PBX1: variants seen among roughly 807,000 people sequenced by gnomAD.
PBX1 encodes the protein PBX homeobox 1, also known as pre-B-cell leukemia transcription factor 1.
In PBX1, 6 loss-of-function variants were observed where a neutral mutation model predicts 53.4. The observed-to-expected ratio is 0.11, with a 90% confidence interval of 0.06 to 0.22. The LOEUF (loss-of-function observed/expected upper bound fraction) is 0.22, where lower values mean the gene tolerates loss of function less well. PBX1 is among the 10% of genes least tolerant of loss of function. The pLI is 1.00. For missense variants in PBX1, 251 were observed against 551.4 expected, an observed-to-expected ratio of 0.46 and a Z score of 5.46; for synonymous variants, 204 against 212.3, an observed-to-expected ratio of 0.96 and a Z score of 0.34.
intron 2 of PBX1, chr1:164,685,050 A>C (rs1557940725): frequency 6.6e-6 from 1 of 152,206 alleles, no homozygotes; most frequent in Non-Finnish European, 1.5e-5. Flanking sequence ...CTGATTGGGA[A>C]AGTAAGTCTC....
intron 2 of PBX1, among the ~76,000 whole-genome samples, chr1:164,604,252 T>A (rs1656402537): frequency 1.3e-5 from 2 of 152,218 alleles, no homozygotes; most frequent in Admixed American, 1.3e-4. Context: ...ATCATTTAAT[T>A]CTATTGCCAC....
intron 2 of PBX1, chr1:164,605,447 T>C (rs1780369): frequency 0.74 from 111,766 of 151,974 alleles, 41,230 homozygotes; most frequent in Non-Finnish European, 0.76. Context: ...AGGGCTCCTG[T>C]AGAGGAGGCA....
At chr1:164,634,767 G>C (rs1288129006) in intron 2 of PBX1, among the ~76,000 whole-genome samples, 1 of 152,120 alleles carries the variant, frequency 6.6e-6, no homozygotes, top group Non-Finnish European at 1.5e-5. Flanking sequence ...AGGGAAATAA[G>C]TTCTTTGGGA....
intron 2 of PBX1, among the ~76,000 whole-genome samples, chr1:164,667,863 C>T (rs955186519): frequency 6.6e-6 from 1 of 152,180 alleles, no homozygotes; most frequent in Non-Finnish European, 1.5e-5. Flanking sequence ...AGATGCAGTT[C>T]ACACTTCCTG....
Position 164,640,481 on chromosome 1 carries a change from G to A in PBX1, c.265+77170G>A, listed in dbSNP as rs558280040. Among the ~76,000 whole-genome samples, 8 of 151,844 alleles carry A rather than the reference G, an allele frequency of 5.3e-5. No individual in the cohort carries two copies. In the South Asian group the frequency reaches 6.2e-4, roughly 12 times the overall value. ...TGGTGCAACACACATACTGGGAAAC[G>A]ATGTGATGACACTAGCACAAAGGAC... On this transcript the variant is annotated intron_variant, in intron 2 of 8. Coordinates refer to ENST00000420696, the MANE Select transcript of PBX1 (RefSeq NM_002585.4).
chr1:164,830,856 C>T (rs930167127), intron 8 of PBX1, among the ~76,000 whole-genome samples: 2 of 152,174 alleles, frequency 1.3e-5, no homozygotes, highest in African/African-American at 4.8e-5. Flanking sequence ...TGCAGAATCT[C>T]AGGCCCCGCC....
intron 2 of PBX1, among the ~76,000 whole-genome samples, chr1:164,707,999 G>A (rs956160102): frequency 1.3e-4 from 20 of 152,216 alleles, no homozygotes; most frequent in Non-Finnish European, 1.9e-4. Flanking sequence ...TGGCTTTGCC[G>A]GAGCATGACT....
At chr1:164,736,023 A>C (rs1183549376) in intron 2 of PBX1, among the ~76,000 whole-genome samples, 12 of 152,116 alleles carry the variant, frequency 7.9e-5, no homozygotes, top group Non-Finnish European at 1.6e-4. Context: ...CTCCAGCAGA[A>C]ACTGGCTTCT....
chr1:164,753,766 G>C (rs1325379072), intron 2 of PBX1, among the ~76,000 whole-genome samples: 5 of 152,274 alleles, frequency 3.3e-5, no homozygotes, highest in Non-Finnish European at 7.4e-5. Flanking sequence ...GTTACTCCTC[G>C]TATGTTAGCA....
chr1:164,826,014 A>T (rs1670441129), intron 8 of PBX1, among the ~76,000 whole-genome samples: 1 of 152,074 alleles, frequency 6.6e-6, no homozygotes, highest in African/African-American at 2.4e-5. Context: ...AAGCAACTTG[A>T]AATTGGGAAA....
Position 164,559,791 on chromosome 1 carries a change from G to A in PBX1, c.-32G>A, listed in dbSNP as rs558520686. ...AGGAGCCGAGCCGAGGAGCAGAAGA[G>A]GAAGAGCCGGGGGCTGCCGTAGCCT... is the stretch of plus-strand genomic sequence containing the variant. On this transcript the variant is annotated 5_prime_UTR_variant, in exon 1 of 9. Coordinates refer to ENST00000420696, the MANE Select transcript of PBX1 (RefSeq NM_002585.4). The A allele has an allele frequency of 1.2e-4, 179 of 1,516,494 alleles. 1 individual carries two copies. The South Asian group carries it at 2.1e-3, about 18-fold the overall frequency. The allele number at this position is 1,516,494 out of a possible 1,614,324, so 93.9% of individuals were successfully genotyped here.
At position 164,820,200 on chromosome 1, in the gene PBX1, A is replaced by T. The variant is rs547737474; in HGVS notation, c.1110+16A>T. 50 of 1,462,706 alleles carry T rather than the reference A, an allele frequency of 3.4e-5. No homozygotes were observed. The highest frequency in any genetic ancestry group is 4.6e-5 in the Non-Finnish European group (48 of 1,042,062). 90.6% of individuals were successfully genotyped at this position (1,462,706 alleles called of 1,614,324 possible). ...GCAATCACAGGTAGGGACCCAGCCA[A>T]TATGTCACCAGGTGAATGCCTTAGA... On this transcript the variant is annotated intron_variant, in intron 7 of 8. Coordinates refer to ENST00000420696, the MANE Select transcript of PBX1 (RefSeq NM_002585.4).
At chr1:164,738,925 C>T (rs1336037853) in intron 2 of PBX1, among the ~76,000 whole-genome samples, 4 of 152,200 alleles carry the variant, frequency 2.6e-5, no homozygotes, top group Non-Finnish European at 4.4e-5. Context: ...CTCATCCTTA[C>T]TTCTCATTTC....
intron 8 of PBX1, among the ~76,000 whole-genome samples, chr1:164,838,842 G>A (rs1446254983): frequency 1.3e-5 from 2 of 152,188 alleles, no homozygotes; most frequent in African/African-American, 4.8e-5. Flanking sequence ...AGGCTTCAAA[G>A]CCATCATTTC....
chr1:164,784,708 G>T (rs556399144), intron 2 of PBX1, among the ~76,000 whole-genome samples: 1 of 152,192 alleles, frequency 6.6e-6, no homozygotes, highest in African/African-American at 2.4e-5. Context: ...GCAGGACCAC[G>T]TTTATTTGGA....
intron 2 of PBX1, among the ~76,000 whole-genome samples, chr1:164,678,728 G>C (rs79136531): frequency 0.017 from 2,538 of 152,256 alleles, 52 homozygotes; most frequent in East Asian, 0.063. Context: ...GAAGGTGATA[G>C]ATTGTTACTA....
chr1:164,748,001 G>T (rs1459726124), intron 2 of PBX1, among the ~76,000 whole-genome samples: 10 of 152,086 alleles, frequency 6.6e-5, no homozygotes, highest in African/African-American at 2.4e-4. Flanking sequence ...GAAAAGAGGT[G>T]TACCCACTAT....
At chr1:164,746,898 T>C (rs972045335) in intron 2 of PBX1, among the ~76,000 whole-genome samples, 14 of 152,218 alleles carry the variant, frequency 9.2e-5, no homozygotes, top group African/African-American at 3.4e-4. Context: ...CCTACTCTTC[T>C]GATGTAGGGC....
intron 2 of PBX1, among the ~76,000 whole-genome samples, chr1:164,675,675 G>GT (rs756793610): frequency 5.9e-5 from 9 of 152,044 alleles, no homozygotes; most frequent in Non-Finnish European, 1.2e-4. Context: ...CTTTTACCAG[G>GT]TATTACTCAT....
Sources: gnomAD v4.1 joint callset for allele counts (sites outside exome capture counted in the v4.1 genomes callset) on GRCh38, gnomAD v4.1.1 for gene constraint, MANE v1.5 for transcripts, NCBI Gene and HGNC (gene_info 2026-07-23, HGNC 2026-07-21) for gene names.